DSCAM: variants seen among roughly 807,000 people sequenced by gnomAD.
DSCAM encodes DS cell adhesion molecule.
A neutral mutation model predicts 217.7 loss-of-function variants in DSCAM; 47 were observed. That is an observed-to-expected ratio of 0.22 (90% confidence interval 0.17 to 0.28). DSCAM has a LOEUF of 0.28. Ranked by LOEUF, DSCAM falls within the 10% of genes least tolerant of loss-of-function variation. The probability of loss-of-function intolerance (pLI) is 1.00; values close to 1 mark genes in which losing one functional copy is unlikely to be tolerated. For missense variants in DSCAM, 2,080 were observed against 2,618.3 expected (o/e 0.79, Z 4.49); for synonymous variants, 1,056 against 1,015.3 (o/e 1.04, Z -0.76).
intron 16 of DSCAM, 114 bp downstream of exon 16, chr21:40,167,104 G>A: frequency 2.2e-6 from 2 of 926,254 alleles, no homozygotes; most frequent in South Asian, 3.7e-5. Flanking sequence ...ACTTAATTTT[G>A]AAAAAATAAA....
chr21:40,254,933 G>C (rs1175699361), intron 11 of DSCAM, among the ~76,000 whole-genome samples: 1 of 151,972 alleles, frequency 6.6e-6, no homozygotes, highest in African/African-American at 2.4e-5. Context: ...TGTTTTAACT[G>C]TGAGATTATT....
At chr21:40,273,942 A>T (rs912304944) in intron 11 of DSCAM, among the ~76,000 whole-genome samples, 1 of 152,200 alleles carries the variant, frequency 6.6e-6, no homozygotes. Flanking sequence ...CACTGGCGGT[A>T]AGATTTCAAC....
chr21:40,437,142 G>A (rs1432146416), intron 3 of DSCAM, among the ~76,000 whole-genome samples: 1 of 152,306 alleles, frequency 6.6e-6, no homozygotes, highest in East Asian at 1.9e-4. Flanking sequence ...TCAGGAATGT[G>A]AAATTAAATG....
At chr21:40,818,099 T>C (rs1458358840) in intron 1 of DSCAM, among the ~76,000 whole-genome samples, 5 of 41,848 alleles carry the variant, frequency 1.2e-4, no homozygotes, top group Admixed American at 5.0e-4. Context: ...CGAGACTCCG[T>C]CTCAAAAAAA....
intron 2 of DSCAM, among the ~76,000 whole-genome samples, chr21:40,704,246 A>G (rs1355986119): frequency 1.3e-5 from 2 of 152,138 alleles, no homozygotes; most frequent in Non-Finnish European, 2.9e-5. Flanking sequence ...TCTCTAGTTT[A>G]TCTCTTCCAG....
At chr21:40,655,469 G>A (rs1421312304) in intron 3 of DSCAM, among the ~76,000 whole-genome samples, 1 of 144,494 alleles carries the variant, frequency 6.9e-6, no homozygotes, top group Non-Finnish European at 1.5e-5. Flanking sequence ...TTGAGACAGG[G>A]TCTCACTCTG....
chr21:40,626,355 C>T (rs745575759), intron 3 of DSCAM, among the ~76,000 whole-genome samples: 20 of 152,140 alleles, frequency 1.3e-4, no homozygotes, highest in Non-Finnish European at 2.8e-4. Context: ...TATGTAGACA[C>T]CTGAAATAAC....
chr21:40,656,684 C>T (rs754730474), intron 3 of DSCAM, among the ~76,000 whole-genome samples: 1 of 152,188 alleles, frequency 6.6e-6, no homozygotes, highest in South Asian at 2.1e-4. Context: ...GTCTCTTCCT[C>T]GCTGTCTTTG....
chr21:40,106,219 C>G (rs1309376617), intron 20 of DSCAM, among the ~76,000 whole-genome samples: 1 of 152,156 alleles, frequency 6.6e-6, no homozygotes, highest in African/African-American at 2.4e-5. Context: ...GAGAACAGCA[C>G]AGGAAAATCC....
intron 21 of DSCAM, among the ~76,000 whole-genome samples, chr21:40,089,292 T>G (rs1220164135): frequency 6.6e-6 from 1 of 152,204 alleles, no homozygotes; most frequent in Non-Finnish European, 1.5e-5. Context: ...TTGTTTAAAA[T>G]GCAGGTTCCC....
chr21:40,602,882 T>C (rs970677653), intron 3 of DSCAM, among the ~76,000 whole-genome samples: 4 of 151,996 alleles, frequency 2.6e-5, no homozygotes, highest in Admixed American at 1.3e-4. Flanking sequence ...TAGGCTGATA[T>C]TGCACTTCTT....
At chr21:40,424,007 C>T (rs2075449180) in intron 3 of DSCAM, among the ~76,000 whole-genome samples, 1 of 152,046 alleles carries the variant, frequency 6.6e-6, no homozygotes, top group African/African-American at 2.4e-5. Flanking sequence ...ATCGGTTTTC[C>T]ACTTTAATAA....
chr21:40,739,141 G>C (rs926545170), intron 1 of DSCAM, among the ~76,000 whole-genome samples: 1 of 152,158 alleles, frequency 6.6e-6, no homozygotes, highest in Non-Finnish European at 1.5e-5. Context: ...GTCTTATCTT[G>C]TCACCATTCT....
At chr21:40,572,085 G>A (rs201716728) in intron 3 of DSCAM, among the ~76,000 whole-genome samples, 2 of 148,524 alleles carry the variant, frequency 1.3e-5, no homozygotes, top group African/African-American at 2.5e-5. Flanking sequence ...TGTGTGTGTG[G>A]GTGTGTGTGT....
At chr21:40,373,607 T>C (rs1167516674) in intron 3 of DSCAM, among the ~76,000 whole-genome samples, 3 of 152,232 alleles carry the variant, frequency 2.0e-5, no homozygotes, top group African/African-American at 7.2e-5. Context: ...TTGTGTGTTA[T>C]TCTAATACAA....
intron 18 of DSCAM, among the ~76,000 whole-genome samples, chr21:40,139,740 GA>G (rs543404501): frequency 8.6e-4 from 131 of 151,728 alleles, no homozygotes; most frequent in African/African-American, 2.6e-3. Context: ...GTATGTGTAT[GA>G]GGGGTGTGTG....
chr21:40,118,540 T>C (rs2089998267), intron 20 of DSCAM, among the ~76,000 whole-genome samples: 1 of 152,146 alleles, frequency 6.6e-6, no homozygotes, highest in Non-Finnish European at 1.5e-5. Flanking sequence ...TGAGCCGAGA[T>C]TGCGCCACTG....
At chr21:40,158,510 C>T (rs1183021606) in intron 16 of DSCAM, among the ~76,000 whole-genome samples, 1 of 152,212 alleles carries the variant, frequency 6.6e-6, no homozygotes, top group African/African-American at 2.4e-5. Context: ...AGACCAAGGG[C>T]CCCTGTGAAC....
chr21:40,121,620 C>T (rs1391560328), intron 20 of DSCAM, among the ~76,000 whole-genome samples: 1 of 150,362 alleles, frequency 6.7e-6, no homozygotes, highest in African/African-American at 2.4e-5. Context: ...CAGAGATACC[C>T]TGATAAAAAT....
Sources: allele counts gnomAD v4.1 joint callset (sites outside exome capture counted in the v4.1 genomes callset), GRCh38; gene constraint gnomAD v4.1.1; transcripts MANE v1.5; gene names NCBI Gene and HGNC (gene_info 2026-07-23, HGNC 2026-07-21).